MAP3K14: variants seen among roughly 807,000 people sequenced by gnomAD.
MAP3K14 encodes the protein NF-kappa-beta-inducing kinase.
In MAP3K14, 16 loss-of-function variants were observed where a neutral mutation model predicts 99.2. The observed-to-expected ratio is 0.16, with a 90% confidence interval of 0.11 to 0.24. The LOEUF (loss-of-function observed/expected upper bound fraction) is 0.24, where lower values mean the gene tolerates loss of function less well. Ranked by LOEUF, MAP3K14 falls within the 10% of genes least tolerant of loss-of-function variation. The pLI is 1.00. For missense variants in MAP3K14, 784 were observed against 1,208.7 expected, an observed-to-expected ratio of 0.65 and a Z score of 5.21; for synonymous variants, 462 against 492.4, an observed-to-expected ratio of 0.94 and a Z score of 0.82.
chr17:45,285,452 C>G (rs2044256021), intron 5 of MAP3K14, among the ~76,000 whole-genome samples: 1 of 151,796 alleles, frequency 6.6e-6, no homozygotes, highest in South Asian at 2.1e-4. Context: ...ATGGTGAAAC[C>G]CTGTCTCTAC....
At chr17:45,279,822 GA>G (rs2044207992) in intron 6 of MAP3K14, among the ~76,000 whole-genome samples, 1 of 152,202 alleles carries the variant, frequency 6.6e-6, no homozygotes, top group African/African-American at 2.4e-5. Flanking sequence ...TAAACTATGT[GA>G]AAGGGGCTAC....
At chr17:45,298,590 C>T (rs549988830) in intron 1 of MAP3K14, among the ~76,000 whole-genome samples, 1 of 152,214 alleles carries the variant, frequency 6.6e-6, no homozygotes, top group Admixed American at 6.5e-5. Context: ...TTCTAGGCAC[C>T]CGATAAAGAG....
chr17:45,275,760 C>CTTTTTTTT (rs369154222), intron 6 of MAP3K14, among the ~76,000 whole-genome samples: 1 of 123,550 alleles, frequency 8.1e-6, no homozygotes, highest in African/African-American at 3.2e-5. Context: ...CTTTTCTTTT[C>CTTTTTTTT]TTTTTTTTTT....
At chr17:45,313,188 G>A (rs989506291) in intron 1 of MAP3K14, among the ~76,000 whole-genome samples, 17 of 152,272 alleles carry the variant, frequency 1.1e-4, no homozygotes, top group African/African-American at 4.1e-4. Flanking sequence ...ACTCTGGCCT[G>A]TCAGGCAGTC....
rs745997841 is a variant in MAP3K14, at chr17:45,287,264, G to C, written c.427C>G (p.Arg143Gly). 4 of 1,613,984 alleles carry C rather than the reference G, an allele frequency of 2.5e-6. No homozygotes were observed. The highest frequency in any genetic ancestry group is 3.3e-5 in the Admixed American group (2 of 60,018). ...CWKGKRRSKA[R>G]KKRKKKSSKS... ...GAGCTCTTCTTCTTCCGTTTCTTCC[G>C]GGCTTTGCTGCGACGCTTTCCCTTC... The change falls in exon 4 of 16, where the codon CGG (arginine) becomes GGG (glycine). Residue 143 changes from arginine (R) to glycine (G), a missense_variant. Physicochemically the swap from Arg to Gly is moderately radical, Grantham distance 125. This residue lies in a region of MAP3K14 where 188 missense variants were observed against 313.0 expected (regional missense o/e 0.60). Transcript: ENST00000344686.
intron 6 of MAP3K14, among the ~76,000 whole-genome samples, chr17:45,282,554 C>CAAA (rs11452454): frequency 1.5e-4 from 19 of 123,664 alleles, no homozygotes; most frequent in African/African-American, 4.8e-4. Context: ...GATCCTGTCT[C>CAAA]AAAAAAAAAA....
chr17:45,271,153 T>C lies in MAP3K14; in HGVS notation c.1726A>G (p.Lys576Glu). 2 of 1,613,512 alleles carry C rather than the reference T, an allele frequency of 1.2e-6. No individual in the cohort carries two copies. Among genetic ancestry groups the C allele is most frequent in the Non-Finnish European group, 1.7e-6 (2 of 1,179,786 alleles). Reference sequence around the variant, plus strand: ...CAGCAGCTGCTCCAGACATCCACCTTGGCGTCGCAGCTCCTGCCCAGCACC... The same window carrying C: ...CAGCAGCTGCTCCAGACATCCACCTCGGCGTCGCAGCTCCTGCCCAGCACC... ...EVVLGRSCDA[K>E]VDVWSSCCMM... Residue 576 changes from lysine (K) to glutamate (E), a missense_variant, in exon 10 of 16, where the codon AAG becomes GAG. Lys to Glu is a moderately conservative substitution (Grantham distance 56). Transcript: ENST00000344686.
chr17:45,266,660 T>A lies in MAP3K14; in HGVS notation c.2455A>T (p.Ser819Cys). Residue 819 changes from serine (S) to cysteine (C), a missense_variant, in exon 14 of 16, where the codon AGC (serine) becomes TGC (cysteine). This residue lies in a region of MAP3K14 where 130 missense variants were observed against 220.4 expected (regional missense o/e 0.59). Transcript: ENST00000344686. ...CCTGAGCTCAGGGTGTCCCGCGAGC[T>A]TTGAGAGGCCTTTGATGGGTTCTGA... ...SEKNPSKASQ[S>C]SRDTLSSGVH... The A allele has an allele frequency of 1.2e-6, 2 of 1,612,306 alleles. No individual in the cohort carries two copies. Among genetic ancestry groups the A allele is most frequent in the Non-Finnish European group, 1.7e-6 (2 of 1,178,752 alleles).
chr17:45,294,063 C>A (rs1257470534), intron 1 of MAP3K14, among the ~76,000 whole-genome samples: 1 of 152,232 alleles, frequency 6.6e-6, no homozygotes, highest in Non-Finnish European at 1.5e-5. Context: ...GAAGTGGGAG[C>A]CAGTTATGTC....
chr17:45,286,319 T>C lies in MAP3K14; in HGVS notation c.1152+112A>G. ...GATACTTTTCATCCACAATGAGCAC[T>C]GTCCTACTGTTTGATTTGTCACCAC... On this transcript the variant is annotated intron_variant, in intron 5 of 15. Coordinates refer to ENST00000344686, the MANE Select transcript of MAP3K14 (RefSeq NM_003954.5). The surrounding 1 kb of genome is among the most constrained non-coding windows in gnomAD (Gnocchi z 4.1). 1.6e-6 allele frequency: 2 copies of C among 1,262,872 alleles called. No homozygotes were observed. The highest frequency in any genetic ancestry group is 1.6e-5 in the South Asian group (1 of 62,994). The allele number at this position is 1,262,872 out of a possible 1,614,324, so 78.2% of individuals were successfully genotyped here.
At chr17:45,289,851 A>AC (rs2044296678) in intron 2 of MAP3K14, among the ~76,000 whole-genome samples, 1 of 152,142 alleles carries the variant, frequency 6.6e-6, no homozygotes, top group African/African-American at 2.4e-5. Context: ...TCCAGGTTCC[A>AC]CCCCAAGAAG....
intron 1 of MAP3K14, among the ~76,000 whole-genome samples, chr17:45,296,422 G>T (rs2044346791): frequency 6.6e-6 from 1 of 152,084 alleles, no homozygotes; most frequent in African/African-American, 2.4e-5. Flanking sequence ...CTACTTGGGA[G>T]CCTGAAGCAG....
At position 45,265,174 on chromosome 17, in the gene MAP3K14, T is replaced by C. The variant is rs374384797; in HGVS notation, c.2668A>G (p.Ile890Val). Residue 890 changes from isoleucine (I) to valine (V), a missense_variant, in exon 15 of 16, where the codon ATC becomes GTC. Around this residue, in one of 5 missense-constraint regions of MAP3K14, gnomAD observed 130 missense variants for 220.4 expected, o/e 0.59. Coordinates refer to ENST00000344686, the MANE Select transcript of MAP3K14 (RefSeq NM_003954.5). ...RVKVGDIATG[I>V]SSQIPAAAFS... ...CCTGCCCCCCTTACCTGGCTGCTGA[T>C]GCCAGTGGCGATGTCTCCCACTTTG... The C allele has an allele frequency of 6.4e-5, 103 of 1,613,640 alleles. No individual in the cohort carries two copies. Among genetic ancestry groups the C allele is most frequent in the Non-Finnish European group, 7.2e-5 (85 of 1,179,740 alleles).
chr17:45,288,879 C>T (rs531505429), intron 3 of MAP3K14, among the ~76,000 whole-genome samples: 4 of 152,164 alleles, frequency 2.6e-5, no homozygotes, highest in Non-Finnish European at 5.9e-5. Flanking sequence ...AGGCCCCCCC[C>T]ACCAACCCGG....
Position 45,272,319 on chromosome 17 carries a change from C to G in MAP3K14, c.1658-1098G>C, listed in dbSNP as rs2044147497. On this transcript the variant is annotated intron_variant, in intron 9 of 15. Transcript: ENST00000344686. The surrounding 1 kb of genome is among the most constrained non-coding windows in gnomAD (Gnocchi z 4.1). Reference sequence around the variant, plus strand: ...CCAGCCTGGGTGACAGAGCAAGACTCTGTCTCTAAAAAATAAAAGTTAAAA... The same window carrying G: ...CCAGCCTGGGTGACAGAGCAAGACTGTGTCTCTAAAAAATAAAAGTTAAAA... Among the ~76,000 whole-genome samples the G allele has an allele frequency of 6.6e-6, 1 of 152,044 alleles. No homozygotes were observed. Among genetic ancestry groups the G allele is most frequent in the Admixed American group, 6.6e-5 (1 of 15,250 alleles).
chr17:45,282,579 A>G (rs1226522576), intron 6 of MAP3K14, among the ~76,000 whole-genome samples: 1 of 151,684 alleles, frequency 6.6e-6, no homozygotes, highest in African/African-American at 2.4e-5. Flanking sequence ...AAGAAAGAAA[A>G]GAAAAAAGAT....
At chr17:45,270,660 C>T in intron 10 of MAP3K14, 97 bp from the exon 11 acceptor site, 1 of 1,414,068 alleles carries the variant, frequency 7.1e-7, no homozygotes, top group Non-Finnish European at 9.3e-7. Context: ...GCCCCTGTTC[C>T]CGCTGTGCTG....
At chr17:45,287,694 C>T (rs2044278522) in intron 3 of MAP3K14, among the ~76,000 whole-genome samples, 1 of 152,226 alleles carries the variant, frequency 6.6e-6, no homozygotes, top group Non-Finnish European at 1.5e-5. Flanking sequence ...AGACTCAGCA[C>T]TTCTTGGGGA....
Position 45,286,393 on chromosome 17 carries a change from G to A in MAP3K14, c.1152+38C>T. 1 of 1,526,690 alleles carries A rather than the reference G, an allele frequency of 6.6e-7. No individual in the cohort carries two copies. The highest frequency in any genetic ancestry group is 8.8e-7 in the Non-Finnish European group (1 of 1,135,568). The allele number at this position is 1,526,690 out of a possible 1,614,324, so 94.6% of individuals were successfully genotyped here. ...AGAGAAAAGCATCCCCCAGGTTGCT[G>A]GTAGAGGGACATATACAGGTGCCGG... On this transcript the variant is annotated intron_variant, in intron 5 of 15. Coordinates refer to ENST00000344686, the MANE Select transcript of MAP3K14 (RefSeq NM_003954.5). The surrounding 1 kb of genome is among the most constrained non-coding windows in gnomAD (Gnocchi z 4.1).
Sources: gnomAD v4.1 joint callset for allele counts (sites outside exome capture counted in the v4.1 genomes callset) on GRCh38, gnomAD v4.1.1 for gene constraint, gnomAD v4.1.1 regional missense constraint, Gnocchi (gnomAD v3.1) non-coding constraint, MANE v1.5 for transcripts, NCBI Gene and HGNC (gene_info 2026-07-23, HGNC 2026-07-21) for gene names.